CDH13: variants seen among roughly 807,000 people sequenced by gnomAD.
CDH13 encodes the protein cadherin-13.
In CDH13, 24 loss-of-function variants were observed where a neutral mutation model predicts 63.8. The ratio of observed to expected loss-of-function variants is 0.38; its 90% CI spans 0.27 to 0.53. The LOEUF (loss-of-function observed/expected upper bound fraction) is 0.53, where lower values mean the gene tolerates loss of function less well. Ranked by LOEUF, CDH13 falls within the 20% of genes least tolerant of loss-of-function variation. The pLI is 0.85. For synonymous variants in CDH13, 503 were observed against 355.3 expected (o/e 1.42, Z -4.67); for missense variants, 1,049 against 903.1 (o/e 1.16, Z -2.07).
At chr16:82,979,875 T>A (rs1035413004) in intron 2 of CDH13, among the ~76,000 whole-genome samples, 7 of 152,168 alleles carry the variant, frequency 4.6e-5, no homozygotes, top group Non-Finnish European at 8.8e-5. Flanking sequence ...AAACTGGACT[T>A]TGGAGACCAT....
chr16:83,605,024 T>C (rs575886085), intron 8 of CDH13, among the ~76,000 whole-genome samples: 2 of 152,350 alleles, frequency 1.3e-5, no homozygotes, highest in Admixed American at 6.5e-5. Flanking sequence ...AAATATCATA[T>C]TGTAAACACT....
chr16:83,761,797 T>G (rs1175667280), intron 11 of CDH13, among the ~76,000 whole-genome samples: 1 of 152,210 alleles, frequency 6.6e-6, no homozygotes, highest in African/African-American at 2.4e-5. Context: ...ACCAGCAAAG[T>G]GGCTCACGCT....
chr16:83,234,516 C>T (rs2040090455), intron 5 of CDH13, among the ~76,000 whole-genome samples: 1 of 152,098 alleles, frequency 6.6e-6, no homozygotes, highest in Admixed American at 6.5e-5. Flanking sequence ...AGCTCCAAGT[C>T]CAGATTCCTG....
intron 1 of CDH13, among the ~76,000 whole-genome samples, chr16:82,697,629 C>G (rs1449341865): frequency 6.6e-6 from 1 of 151,690 alleles, no homozygotes; most frequent in African/African-American, 2.4e-5. Context: ...GGGATTTCAC[C>G]ATGTAGACCA....
intron 2 of CDH13, among the ~76,000 whole-genome samples, chr16:82,985,006 C>T (rs1008953546): frequency 7.2e-5 from 11 of 152,142 alleles, no homozygotes; most frequent in Admixed American, 2.6e-4. Context: ...TTGTGCCCAG[C>T]CCCTGTCTCA....
At chr16:83,313,656 A>G (rs2090046419) in intron 5 of CDH13, among the ~76,000 whole-genome samples, 1 of 150,526 alleles carries the variant, frequency 6.6e-6, no homozygotes, top group Admixed American at 6.6e-5. Context: ...AAAAAAAAAA[A>G]AAAAAAAAAA....
At chr16:83,600,916 G>GT (rs1907725901) in intron 7 of CDH13, among the ~76,000 whole-genome samples, 2 of 151,968 alleles carry the variant, frequency 1.3e-5, no homozygotes, top group African/African-American at 4.8e-5. Flanking sequence ...TATTGCCTTT[G>GT]TTCTTGGATG....
intron 2 of CDH13, among the ~76,000 whole-genome samples, chr16:82,872,963 T>C (rs140637603): frequency 6.6e-5 from 10 of 152,254 alleles, no homozygotes; most frequent in Non-Finnish European, 1.0e-4. Flanking sequence ...AAACATGATA[T>C]AATAAACCCT....
intron 5 of CDH13, among the ~76,000 whole-genome samples, chr16:83,287,724 T>C (rs934567801): frequency 2.6e-5 from 4 of 152,174 alleles, no homozygotes; most frequent in African/African-American, 9.7e-5. Flanking sequence ...AAGTGCACCA[T>C]AAATTTAATG....
intron 6 of CDH13, among the ~76,000 whole-genome samples, chr16:83,362,006 C>T (rs1161490957): frequency 6.6e-6 from 1 of 152,088 alleles, no homozygotes; most frequent in Admixed American, 6.6e-5. Context: ...TCATAGGGAG[C>T]TTTGGGCAGT....
intron 1 of CDH13, among the ~76,000 whole-genome samples, chr16:82,805,188 A>G (rs550043826): frequency 6.6e-6 from 1 of 152,272 alleles, no homozygotes; most frequent in South Asian, 2.1e-4. Flanking sequence ...TCTCTCTAAT[A>G]GGACTGTGCT....
intron 3 of CDH13, among the ~76,000 whole-genome samples, chr16:83,036,026 A>G (rs4329910): frequency 0.19 from 29,210 of 151,782 alleles, 2,935 homozygotes; most frequent in East Asian, 0.27. Context: ...ATTTGCATCT[A>G]CTGGGTGAGG....
chr16:83,311,547 A>G (rs1019745889), intron 5 of CDH13, among the ~76,000 whole-genome samples: 1 of 152,116 alleles, frequency 6.6e-6, no homozygotes, highest in South Asian at 2.1e-4. Context: ...TGCATATGCT[A>G]TGATTTGTGA....
chr16:83,327,829 A>G (rs1400607459), intron 5 of CDH13, among the ~76,000 whole-genome samples: 1 of 152,224 alleles, frequency 6.6e-6, no homozygotes, highest in Non-Finnish European at 1.5e-5. Flanking sequence ...CAAAGACCCC[A>G]AAATAAAAAT....
chr16:82,959,521 C>T (rs1430103546), intron 2 of CDH13, among the ~76,000 whole-genome samples: 1 of 152,184 alleles, frequency 6.6e-6, no homozygotes, highest in Admixed American at 6.5e-5. Flanking sequence ...CCCCTTCCTT[C>T]ATTTTCAAAG....
rs1472700247 is a variant in CDH13, at chr16:83,216,443, T to TAAATATATATATATATAC, written c.484-901_484-900insAATATATATATATATACA. Among the ~76,000 whole-genome samples the TAAATATATATATATATAC allele has an allele frequency of 1.7e-3, 158 of 93,414 alleles. 8 individuals carry two copies. The highest frequency in any genetic ancestry group is 2.4e-3 in the Non-Finnish European group (110 of 45,116). 61.3% of individuals were successfully genotyped at this position (93,414 alleles called of 152,430 possible). A position where few individuals can be genotyped will look rare whatever the true frequency, so the allele number is the denominator to read the frequency against. On this transcript the variant is annotated intron_variant, in intron 4 of 13. Coordinates refer to ENST00000567109, the MANE Select transcript of CDH13 (RefSeq NM_001257.5). ...ATATATATATATATATATATATATA[T>TAAATATATATATATATAC]ACACAACCCTAATTTGAGGTTTATA...
chr16:83,622,420 C>G (rs991625948), intron 8 of CDH13, among the ~76,000 whole-genome samples: 2 of 152,130 alleles, frequency 1.3e-5, no homozygotes, highest in African/African-American at 4.8e-5. Flanking sequence ...TCAGGAGACT[C>G]GGACGAGAAA....
chr16:83,691,012 G>A (rs1433410248), intron 10 of CDH13, among the ~76,000 whole-genome samples: 1 of 151,974 alleles, frequency 6.6e-6, no homozygotes, highest in African/African-American at 2.4e-5. Flanking sequence ...GTGAACCACT[G>A]GGCCAGGCCC....
intron 2 of CDH13, among the ~76,000 whole-genome samples, chr16:82,861,718 T>G (rs1297799580): frequency 6.6e-6 from 1 of 152,226 alleles, no homozygotes; most frequent in African/African-American, 2.4e-5. Flanking sequence ...TTTTATTTGC[T>G]TCACATCTGA....
Sources: allele counts gnomAD v4.1 joint callset (sites outside exome capture counted in the v4.1 genomes callset), GRCh38; gene constraint gnomAD v4.1.1; transcripts MANE v1.5; gene names NCBI Gene and HGNC (gene_info 2026-07-23, HGNC 2026-07-21).